Variants in CSN2 observed in about 807,000 individuals in gnomAD.
CSN2 encodes the protein casein beta.
CSN2 carries 27 observed loss-of-function variants against 27.3 expected under a neutral mutation model. The ratio of observed to expected loss-of-function variants is 0.99; its 90% CI spans 0.73 to 1.36. CSN2 has a LOEUF of 1.36. Among genes scored for constraint, CSN2 ranks in the 40% most tolerant of loss-of-function variants. The pLI, the probability that CSN2 is intolerant of heterozygous loss-of-function variation, is 0.00. For missense variants in CSN2, 333 were observed against 264.5 expected (o/e 1.26, Z -1.80); for synonymous variants, 131 against 94.8 (o/e 1.38, Z -2.22).
chr4:69,960,784 G>T (rs1053802150), intron 2 of CSN2, among the ~76,000 whole-genome samples, 161 bp downstream of exon 2: 3 of 152,082 alleles, frequency 2.0e-5, no homozygotes, highest in African/African-American at 4.8e-5. Flanking sequence ...AAACTGTTGA[G>T]ACAGTGGGTA....
chr4:69,961,761 G>T (rs1578145697), intron 1 of CSN2, among the ~76,000 whole-genome samples: 1 of 152,140 alleles, frequency 6.6e-6, no homozygotes, highest in Admixed American at 6.5e-5. Flanking sequence ...GGAAATAAAG[G>T]TCATTCAATT....
At position 69,955,565 on chromosome 4, in the gene CSN2, G is replaced by A. The variant is rs1486421705; in HGVS notation, c.*64C>T. On this transcript the variant is annotated 3_prime_UTR_variant, in exon 8 of 8. Coordinates refer to ENST00000353151, the MANE Select transcript of CSN2 (RefSeq NM_001891.4). Reference sequence around the variant, plus strand: ...GGTAACGTGATACAAAGACGGAAAAGGCATCATATTTCCAGTCTCAGTCAA... The same window carrying A: ...GGTAACGTGATACAAAGACGGAAAAAGCATCATATTTCCAGTCTCAGTCAA... 2.0e-5 allele frequency: 3 copies of A among 152,410 alleles called. No individual in the cohort carries two copies. Among genetic ancestry groups the A allele is most frequent in the Non-Finnish European group, 2.9e-5 (2 of 67,926 alleles). The allele number at this position is 152,410 out of a possible 1,614,324, so 9.4% of individuals were successfully genotyped here.
chr4:69,961,071 G>GTTAAGTATGTA, intron 1 of CSN2, 64 bp from the exon 2 acceptor site: 2 of 1,120,004 alleles, frequency 1.8e-6, no homozygotes, highest in Admixed American at 3.9e-5. Context: ...TCTTATGTAG[G>GTTAAGTATGTA]TAAGGTTACT....
intron 1 of CSN2, among the ~76,000 whole-genome samples, chr4:69,964,823 C>T (rs1444797619): frequency 6.7e-6 from 1 of 149,416 alleles, no homozygotes; most frequent in African/African-American, 2.4e-5. Context: ...TACTAATATA[C>T]TAATATATAC....
At position 69,957,346 on chromosome 4, in the gene CSN2, T is replaced by C. The variant is rs1382496794; in HGVS notation, c.603A>G (p.Glu201=). Residue 201 remains glutamate, a synonymous_variant, in exon 6 of 8, where the codon GAA becomes GAG. Coordinates refer to ENST00000353151, the MANE Select transcript of CSN2 (RefSeq NM_001891.4). ...VPVQALLLNQ[E]LLLNPTHQIY... ...TCTGGTGGGTGGGGTTAAGTAGAAG[T>C]TCTTGGTTGAGCAGAAGGGCTTGAA... 2 of 1,587,574 alleles carry C rather than the reference T, an allele frequency of 1.3e-6. No individual in the cohort carries two copies. The highest frequency in any genetic ancestry group is 3.5e-5 in the Admixed American group (2 of 57,890).
intron 2 of CSN2, 43 bp downstream of exon 2, chr4:69,960,902 C>T (rs1159878210): frequency 6.7e-7 from 1 of 1,486,618 alleles, no homozygotes; most frequent in South Asian, 1.1e-5. Context: ...GCATATAGTC[C>T]ACTATTTATT....
At chr4:69,955,651 C>G (rs1195665167) in intron 7 of CSN2, 59 bp from the exon 8 acceptor site, 2 of 152,484 alleles carry the variant, frequency 1.3e-5, no homozygotes, top group African/African-American at 2.4e-5. Context: ...CTATTCAACT[C>G]TCTTCACTTT....
intron 5 of CSN2, among the ~76,000 whole-genome samples, chr4:69,958,103 C>G (rs542501927): frequency 9.0e-4 from 137 of 152,284 alleles, no homozygotes; most frequent in Middle Eastern, 6.8e-3. Flanking sequence ...ATAGCTGTAG[C>G]TGTACACTTT....
chr4:69,964,299 T>G (rs4694038), intron 1 of CSN2, among the ~76,000 whole-genome samples: 30,909 of 152,058 alleles, frequency 0.2, 3,953 homozygotes, highest in South Asian at 0.34. Context: ...GAAATATATG[T>G]TAATATTTTT....
At chr4:69,958,253 G>T (rs1157119414) in intron 5 of CSN2, among the ~76,000 whole-genome samples, 1 of 152,060 alleles carries the variant, frequency 6.6e-6, no homozygotes, top group Non-Finnish European at 1.5e-5. Context: ...TTGGTTTGAT[G>T]AAAAAGAAAA....
chr4:69,961,851 A>T (rs1045877328), intron 1 of CSN2, among the ~76,000 whole-genome samples: 2 of 152,224 alleles, frequency 1.3e-5, no homozygotes, highest in African/African-American at 4.8e-5. Context: ...CTCAGCCCAA[A>T]GTCTCCTTAA....
chr4:69,959,987 A>C, intron 3 of CSN2, 66 bp downstream of exon 3: 2 of 1,411,074 alleles, frequency 1.4e-6, no homozygotes, highest in South Asian at 2.3e-5. Flanking sequence ...AACTGCCATG[A>C]TGTAACACCA....
At chr4:69,964,667 T>C (rs1167452744) in intron 1 of CSN2, among the ~76,000 whole-genome samples, 1 of 151,182 alleles carries the variant, frequency 6.6e-6, no homozygotes, top group African/African-American at 2.4e-5. Context: ...AATATAACAC[T>C]CTATTATATA....
intron 3 of CSN2, among the ~76,000 whole-genome samples, chr4:69,959,291 T>A (rs181490231): frequency 2.4e-4 from 37 of 152,172 alleles, no homozygotes; most frequent in African/African-American, 8.9e-4. Context: ...AATTAATAGA[T>A]GCTAATTTCT....
At chr4:69,963,495 C>T (rs1363424184) in intron 1 of CSN2, among the ~76,000 whole-genome samples, 1 of 151,876 alleles carries the variant, frequency 6.6e-6, no homozygotes, top group Non-Finnish European at 1.5e-5. Flanking sequence ...GACAAAAAAA[C>T]CAAACACCAC....
chr4:69,956,731 G>A (rs1480101652), intron 6 of CSN2, among the ~76,000 whole-genome samples: 2 of 151,930 alleles, frequency 1.3e-5, no homozygotes, highest in African/African-American at 4.8e-5. Flanking sequence ...TTTAATTCCG[G>A]CTTTTGTAAG....
intron 6 of CSN2, among the ~76,000 whole-genome samples, chr4:69,956,730 G>A (rs1209970143): frequency 4.6e-5 from 7 of 151,988 alleles, no homozygotes; most frequent in Admixed American, 2.6e-4. Flanking sequence ...ATTTAATTCC[G>A]GCTTTTGTAA....
At chr4:69,956,919 A>G (rs1220838) in intron 6 of CSN2, among the ~76,000 whole-genome samples, 80,218 of 151,910 alleles carry the variant, frequency 0.53, 21,802 homozygotes, top group East Asian at 0.65. Context: ...AGGTGATTCT[A>G]TTGTATAGGT....
At chr4:69,959,535 G>T (rs1384109391) in intron 3 of CSN2, among the ~76,000 whole-genome samples, 1 of 152,004 alleles carries the variant, frequency 6.6e-6, no homozygotes, top group Admixed American at 6.6e-5. Context: ...CAAGAAGAGT[G>T]GTGTAAGAAT....
Sources: gnomAD v4.1 joint callset for allele counts (sites outside exome capture counted in the v4.1 genomes callset) on GRCh38, gnomAD v4.1.1 for gene constraint, MANE v1.5 for transcripts, NCBI Gene and HGNC (gene_info 2026-07-23, HGNC 2026-07-21) for gene names.